The following CAMK1D variants were observed in gnomAD, a reference collection of about 807,000 sequenced individuals.
CAMK1D encodes calcium/calmodulin dependent protein kinase ID, also known as calcium/calmodulin-dependent protein kinase type 1D.
In CAMK1D, 9 loss-of-function variants were observed where a neutral mutation model predicts 47.7. The observed-to-expected ratio is 0.19, with a 90% CI of 0.11 to 0.33. The LOEUF (loss-of-function observed/expected upper bound fraction) is 0.33. Among genes scored for constraint, CAMK1D ranks in the 10% least tolerant of loss-of-function variants. CAMK1D has a pLI of 1.00. For missense variants in CAMK1D, 291 were observed against 488.7 expected, an observed-to-expected ratio of 0.60 and a Z score of 3.81; for synonymous variants, 184 against 184.9, an observed-to-expected ratio of 0.99 and a Z score of 0.04.
intron 1 of CAMK1D, among the ~76,000 whole-genome samples, chr10:12,492,779 C>T (rs1588550597): frequency 6.6e-6 from 1 of 152,250 alleles, no homozygotes; most frequent in South Asian, 2.1e-4. Context: ...GGGCTCCCCA[C>T]CACACCTGTA....
chr10:12,681,463 G>C (rs1474060754), intron 3 of CAMK1D, among the ~76,000 whole-genome samples: 1 of 152,256 alleles, frequency 6.6e-6, no homozygotes, highest in Non-Finnish European at 1.5e-5. Context: ...CTCCGCTCCT[G>C]CAGCAGGGCT....
rs1836872410 is a variant in CAMK1D at position 12,559,575 on chromosome 10, G to A, written c.224+6219G>A. 2.0e-5 allele frequency among the ~76,000 whole-genome samples: 3 copies of A among 152,156 alleles called. No homozygotes were observed. The South Asian group carries it at 6.2e-4, about 32-fold the overall frequency. On this transcript the variant is annotated intron_variant, in intron 2 of 10. Coordinates refer to ENST00000619168, the MANE Select transcript of CAMK1D (RefSeq NM_153498.4). ...CAGGCAGAAACACAAGCCAGGCAAT[G>A]TTTCCTTCAGGAGAGGCTTCATTGA... is the stretch of plus-strand genomic sequence containing the variant.
intron 1 of CAMK1D, among the ~76,000 whole-genome samples, chr10:12,434,349 C>T (rs754595741): frequency 8.5e-5 from 13 of 152,186 alleles, no homozygotes; most frequent in Admixed American, 7.2e-4. Flanking sequence ...CCTCTGTAAA[C>T]GAGTGCCCTT....
At chr10:12,412,438 T>G (rs1455569588) in intron 1 of CAMK1D, among the ~76,000 whole-genome samples, 2 of 134,680 alleles carry the variant, frequency 1.5e-5, no homozygotes, top group Non-Finnish European at 3.1e-5. Context: ...GGCAAAACCC[T>G]GTCTTTACTA....
chr10:12,791,976 C>A (rs1837999206), intron 6 of CAMK1D, among the ~76,000 whole-genome samples: 1 of 152,208 alleles, frequency 6.6e-6, no homozygotes, highest in South Asian at 2.1e-4. Context: ...TCTAAACCAA[C>A]AGTTGCCATT....
chr10:12,599,267 G>C (rs1205551116), intron 2 of CAMK1D, among the ~76,000 whole-genome samples: 1 of 152,152 alleles, frequency 6.6e-6, no homozygotes, highest in African/African-American at 2.4e-5. Flanking sequence ...GTGATTCCCT[G>C]CTGCATCTTA....
chr10:12,527,010 C>A lies in CAMK1D; in HGVS notation c.93-26215C>A, dbSNP rs78333585. Among the ~76,000 whole-genome samples, 1,311 of 151,920 alleles carry A rather than the reference C, an allele frequency of 8.6e-3. 27 individuals carry two copies. The highest frequency in any genetic ancestry group is 0.064 in the South Asian group (310 of 4,812). ...GAGCAGCCTAGGCAATGTAGCAAGA[C>A]CCCATTTCTCAAAAAAATAAAAAAT... On this transcript the variant is annotated intron_variant, in intron 1 of 10. Coordinates refer to ENST00000619168, the MANE Select transcript of CAMK1D (RefSeq NM_153498.4).
At chr10:12,514,683 C>T (rs1239919559) in intron 1 of CAMK1D, among the ~76,000 whole-genome samples, 3 of 152,164 alleles carry the variant, frequency 2.0e-5, no homozygotes, top group Non-Finnish European at 2.9e-5. Flanking sequence ...TTACAGAGTA[C>T]GAAGCTAGCA....
chr10:12,493,506 T>A (rs568262511), intron 1 of CAMK1D, among the ~76,000 whole-genome samples: 100 of 152,288 alleles, frequency 6.6e-4, no homozygotes, highest in African/African-American at 2.2e-3. Flanking sequence ...TTCTTTTTTT[T>A]AATTTGAGAC....
intron 2 of CAMK1D, among the ~76,000 whole-genome samples, chr10:12,566,093 A>G (rs1225455190): frequency 6.6e-6 from 1 of 152,110 alleles, no homozygotes; most frequent in Non-Finnish European, 1.5e-5. Flanking sequence ...TTTCAGGATA[A>G]TGGGGATGAT....
intron 3 of CAMK1D, among the ~76,000 whole-genome samples, chr10:12,716,049 G>T (rs1340756222): frequency 6.6e-6 from 1 of 152,034 alleles, no homozygotes; most frequent in Non-Finnish European, 1.5e-5. Context: ...AATAGTTATT[G>T]AGTGCTTGCT....
intron 2 of CAMK1D, among the ~76,000 whole-genome samples, chr10:12,639,158 T>C (rs1378473867): frequency 6.6e-6 from 1 of 152,252 alleles, no homozygotes; most frequent in African/African-American, 2.4e-5. Context: ...CCCTTTCTAT[T>C]TTCCTGCTTT....
At chr10:12,628,727 G>C (rs1053434830) in intron 2 of CAMK1D, among the ~76,000 whole-genome samples, 1 of 152,094 alleles carries the variant, frequency 6.6e-6, no homozygotes, top group African/African-American at 2.4e-5. Context: ...CACCATCATA[G>C]AGGCCTGCAG....
chr10:12,428,556 T>C (rs1413584241), intron 1 of CAMK1D, among the ~76,000 whole-genome samples: 1 of 152,174 alleles, frequency 6.6e-6, no homozygotes, highest in Non-Finnish European at 1.5e-5. Flanking sequence ...GGGTTCTGCC[T>C]TTCATCCCGT....
At chr10:12,406,765 A>AAT (rs1554766267) in intron 1 of CAMK1D, among the ~76,000 whole-genome samples, 7 of 142,656 alleles carry the variant, frequency 4.9e-5, no homozygotes, top group Non-Finnish European at 1.1e-4. Flanking sequence ...AAGGTATTGA[A>AAT]CTCTGTAAAG....
chr10:12,484,410 G>A (rs546240959), intron 1 of CAMK1D, among the ~76,000 whole-genome samples: 3 of 152,340 alleles, frequency 2.0e-5, no homozygotes, highest in African/African-American at 7.2e-5. Context: ...ACATGATTAA[G>A]GACTTTAAAC....
At chr10:12,681,470 G>A (rs1041560228) in intron 3 of CAMK1D, among the ~76,000 whole-genome samples, 3 of 152,256 alleles carry the variant, frequency 2.0e-5, no homozygotes, top group African/African-American at 7.2e-5. Context: ...CCTGCAGCAG[G>A]GCTGCTGGGT....
intron 2 of CAMK1D, among the ~76,000 whole-genome samples, chr10:12,621,060 A>G (rs1248345230): frequency 1.3e-5 from 2 of 152,210 alleles, no homozygotes; most frequent in Non-Finnish European, 2.9e-5. Flanking sequence ...GTCTTTCTCC[A>G]CTGAATTGCT....
At chr10:12,462,395 A>ACCTTGTG (rs1342344023) in intron 1 of CAMK1D, among the ~76,000 whole-genome samples, 1 of 151,552 alleles carries the variant, frequency 6.6e-6, no homozygotes, top group East Asian at 1.9e-4. Flanking sequence ...CCATCTCTTG[A>ACCTTGTG]CCTTGTGATC....
Sources: allele counts gnomAD v4.1 joint callset (sites outside exome capture counted in the v4.1 genomes callset), GRCh38; gene constraint gnomAD v4.1.1; transcripts MANE v1.5; gene names NCBI Gene and HGNC (gene_info 2026-07-23, HGNC 2026-07-21).